The following DLG2 variants were observed in gnomAD, a reference collection of about 807,000 sequenced individuals.
DLG2 encodes discs large MAGUK scaffold protein 2, also known as disks large homolog 2.
A neutral mutation model predicts 132.5 loss-of-function variants in DLG2; 45 were observed. The observed-to-expected ratio is 0.34, with a 90% CI of 0.27 to 0.44. The LOEUF is 0.44. Among genes scored for constraint, DLG2 ranks in the 20% least tolerant of loss-of-function variants. The pLI, the probability that DLG2 is intolerant of heterozygous loss-of-function variation, is 1.00. For synonymous variants in DLG2, 424 were observed against 419.6 expected (o/e 1.01, Z -0.13); for missense variants, 1,045 against 1,196.9 (o/e 0.87, Z 1.87).
intron 7 of DLG2, among the ~76,000 whole-genome samples, chr11:84,490,685 T>G (rs2099162654): frequency 6.8e-6 from 1 of 146,000 alleles, no homozygotes; most frequent in Admixed American, 6.8e-5. Context: ...GATTTAATAA[T>G]TAGATCTAAA....
intron 4 of DLG2, among the ~76,000 whole-genome samples, chr11:85,273,806 G>A (rs2152740884): frequency 6.6e-6 from 1 of 152,282 alleles, no homozygotes; most frequent in Non-Finnish European, 1.5e-5. Context: ...ACATGCACAA[G>A]TATGCTTATT....
chr11:83,869,087 C>A (rs776616772), intron 16 of DLG2, among the ~76,000 whole-genome samples: 4 of 152,156 alleles, frequency 2.6e-5, no homozygotes, highest in Non-Finnish European at 5.9e-5. Context: ...TCAACCTGAT[C>A]ACTTCGTATA....
chr11:83,842,693 G>A (rs1021847026), intron 16 of DLG2, among the ~76,000 whole-genome samples: 1 of 151,744 alleles, frequency 6.6e-6, no homozygotes, highest in African/African-American at 2.4e-5. Context: ...GCGGGTGCCT[G>A]TAGCCCCAGG....
intron 11 of DLG2, among the ~76,000 whole-genome samples, chr11:84,017,934 G>C (rs1346555115): frequency 2.6e-5 from 4 of 151,738 alleles, no homozygotes; most frequent in African/African-American, 9.7e-5. Flanking sequence ...ATTCTTATCT[G>C]GTTCTCTATT....
At chr11:84,930,105 G>C (rs989562929) in intron 6 of DLG2, among the ~76,000 whole-genome samples, 1 of 152,070 alleles carries the variant, frequency 6.6e-6, no homozygotes, top group Non-Finnish European at 1.5e-5. Context: ...AAAGCCTTCA[G>C]GGAGTGACCA....
intron 8 of DLG2, among the ~76,000 whole-genome samples, chr11:84,166,044 G>A (rs17563429): frequency 5.9e-4 from 90 of 152,236 alleles, no homozygotes; most frequent in African/African-American, 2.0e-3. Context: ...TTAGAGCACG[G>A]AATCACAGGA....
At chr11:84,735,669 C>G (rs913588423) in intron 6 of DLG2, among the ~76,000 whole-genome samples, 3 of 151,856 alleles carry the variant, frequency 2.0e-5, no homozygotes, top group Non-Finnish European at 4.4e-5. Context: ...TATTTCTTGC[C>G]CTCTGCTAGC....
chr11:85,250,916 TCTC>T (rs1286957585), intron 4 of DLG2, among the ~76,000 whole-genome samples: 1 of 152,182 alleles, frequency 6.6e-6, no homozygotes, highest in Non-Finnish European at 1.5e-5. Context: ...TATTCTGACT[TCTC>T]CTCCATTATA....
intron 24 of DLG2, 135 bp from the exon 25 acceptor site, chr11:83,469,508 G>C (rs1205673309): frequency 4.7e-6 from 3 of 642,070 alleles, no homozygotes; most frequent in African/African-American, 1.9e-5. Flanking sequence ...ATAGTAACAG[G>C]TACTAGTCTT....
chr11:85,123,648 A>G (rs2074711243), intron 5 of DLG2, among the ~76,000 whole-genome samples: 1 of 152,200 alleles, frequency 6.6e-6, no homozygotes, highest in Non-Finnish European at 1.5e-5. Flanking sequence ...TTTCGGCTTA[A>G]ATTTACTTAA....
At chr11:83,739,697 A>G (rs1370680066) in intron 18 of DLG2, among the ~76,000 whole-genome samples, 1 of 152,168 alleles carries the variant, frequency 6.6e-6, no homozygotes, top group Non-Finnish European at 1.5e-5. Flanking sequence ...TCCTCCCTCT[A>G]ATTACAGCTA....
chr11:83,481,682 T>C (rs2137294450), intron 22 of DLG2, among the ~76,000 whole-genome samples: 1 of 152,184 alleles, frequency 6.6e-6, no homozygotes, highest in Admixed American at 6.6e-5. Context: ...AAAGAGGCAA[T>C]AGGGAAAGAA....
At chr11:84,347,574 A>C (rs2098544614) in intron 7 of DLG2, among the ~76,000 whole-genome samples, 1 of 152,214 alleles carries the variant, frequency 6.6e-6, no homozygotes, top group Admixed American at 6.5e-5. Context: ...ATGAACTAAA[A>C]GCAGAATTCT....
rs2057292923 is a variant in DLG2, at chr11:84,992,991, C to T, written c.357+118670G>A. Among the ~76,000 whole-genome samples, 3 of 152,152 alleles carry T rather than the reference C, an allele frequency of 2.0e-5. No individual in the cohort carries two copies. The South Asian group carries it at 6.2e-4, about 32-fold the overall frequency. On this transcript the variant is annotated intron_variant, in intron 6 of 27. Coordinates refer to ENST00000376104, the MANE Select transcript of DLG2 (RefSeq NM_001142699.3). ...ACCTGCACACATATATTTATTGCAG[C>T]ACTACATACAATAGCAAAGACTTGG... is the stretch of plus-strand genomic sequence containing the variant.
chr11:85,295,260 G>A (rs979858392), intron 3 of DLG2, among the ~76,000 whole-genome samples: 1 of 152,008 alleles, frequency 6.6e-6, no homozygotes, highest in Non-Finnish European at 1.5e-5. Flanking sequence ...TAATCTGTAT[G>A]AGCCCAGTTT....
intron 3 of DLG2, among the ~76,000 whole-genome samples, chr11:85,375,061 CT>C (rs893031740): frequency 7.3e-5 from 11 of 150,568 alleles, no homozygotes; most frequent in South Asian, 2.1e-4. Context: ...CTTTTCATTT[CT>C]TTTTTTTTCC....
intron 6 of DLG2, among the ~76,000 whole-genome samples, chr11:85,019,055 G>A (rs754150084): frequency 4.6e-5 from 7 of 152,148 alleles, no homozygotes; most frequent in Non-Finnish European, 5.9e-5. Flanking sequence ...ACTCAAAGCT[G>A]CTTTAAGGAG....
intron 7 of DLG2, among the ~76,000 whole-genome samples, chr11:84,455,913 A>T (rs2099064099): frequency 6.6e-6 from 1 of 151,234 alleles, no homozygotes; most frequent in Non-Finnish European, 1.5e-5. Context: ...CTCAAATTGC[A>T]TTCTTGACTT....
intron 6 of DLG2, among the ~76,000 whole-genome samples, chr11:84,785,254 T>C (rs908264490): frequency 1.3e-5 from 2 of 151,486 alleles, no homozygotes; most frequent in African/African-American, 4.8e-5. Flanking sequence ...TTTTTTTAAA[T>C]AAAAAAAAAT....
Sources: allele counts gnomAD v4.1 joint callset (sites outside exome capture counted in the v4.1 genomes callset), GRCh38; gene constraint gnomAD v4.1.1; transcripts MANE v1.5; gene names NCBI Gene and HGNC (gene_info 2026-07-23, HGNC 2026-07-21).